GALNT16: variants seen among roughly 807,000 people sequenced by gnomAD.
GALNT16 encodes the protein UDP-GalNAc:polypeptide N-acetylgalactosaminyltransferase-like protein 1.
A neutral mutation model predicts 76.1 loss-of-function variants in GALNT16; 40 were observed. The ratio of observed to expected loss-of-function variants is 0.53; its 90% CI spans 0.41 to 0.68. The LOEUF is 0.68. GALNT16 is among the 30% of genes least tolerant of loss of function. The pLI, the probability that GALNT16 is intolerant of heterozygous loss-of-function variation, is 0.00. For synonymous variants in GALNT16, 276 were observed against 285.2 expected, an observed-to-expected ratio of 0.97 and a Z score of 0.32; for missense variants, 621 against 731.9, an observed-to-expected ratio of 0.85 and a Z score of 1.75.
the GALNT16 span, among the ~76,000 whole-genome samples, chr14:69,384,779 G>A: frequency 6.6e-6 from 1 of 152,180 alleles, no homozygotes; most frequent in Non-Finnish European, 1.5e-5. Context: ...AGATGCAGCA[G>A]TGAACAAACA....
chr14:69,348,912 T>G (rs947790122), intron 14 of GALNT16: 2 of 152,306 alleles, frequency 1.3e-5, no homozygotes, highest in South Asian at 4.1e-4. Context: ...TCAGAAGCCC[T>G]CCCTGTGCCT....
intron 1 of GALNT16, among the ~76,000 whole-genome samples, chr14:69,263,236 A>G (rs968445098): frequency 1.3e-5 from 2 of 152,166 alleles, no homozygotes; most frequent in Admixed American, 1.3e-4. Flanking sequence ...TTATTGTATT[A>G]TATTCATATC....
At position 69,260,232 on chromosome 14, in the gene GALNT16, G is replaced by A. The variant is rs2044243664; in HGVS notation, c.-59G>A. On this transcript the variant is annotated 5_prime_UTR_variant, in exon 1 of 15. Transcript: ENST00000448469. ...AACAGCTGGGGCTGCGAGCGCCCCCGCCCCGGCCCCGAGAGCACGCCGGCC... is the reference window on the plus strand; with the variant it reads ...AACAGCTGGGGCTGCGAGCGCCCCCACCCCGGCCCCGAGAGCACGCCGGCC... 4 of 1,237,560 alleles carry A rather than the reference G, an allele frequency of 3.2e-6. No homozygotes were observed. The highest frequency in any genetic ancestry group is 3.9e-5 in the Admixed American group (2 of 50,696). 76.7% of individuals were successfully genotyped at this position (1,237,560 alleles called of 1,614,324 possible).
chr14:69,340,115 G>A (rs558927771), intron 11 of GALNT16, among the ~76,000 whole-genome samples: 1 of 152,342 alleles, frequency 6.6e-6, no homozygotes, highest in African/African-American at 2.4e-5. Context: ...GATTAGATTA[G>A]TACAGAGCAG....
chr14:69,380,684 C>G, the GALNT16 span: 1 of 1,134,788 alleles, frequency 8.8e-7, no homozygotes, highest in East Asian at 2.4e-5. Flanking sequence ...TGGTCAATCA[C>G]TGCCAGGTGT....
At chr14:69,300,046 G>A (rs1334319936) in intron 1 of GALNT16, among the ~76,000 whole-genome samples, 2 of 152,222 alleles carry the variant, frequency 1.3e-5, no homozygotes, top group Non-Finnish European at 2.9e-5. Context: ...CTTTTAGCAC[G>A]TGTGTGCACA....
chr14:69,284,163 A>C (rs1047428078), intron 1 of GALNT16, among the ~76,000 whole-genome samples: 1 of 152,102 alleles, frequency 6.6e-6, no homozygotes, highest in African/African-American at 2.4e-5. Context: ...TCTTCCCCCA[A>C]ACACCTGCTG....
chr14:69,311,259 C>G (rs548738212), intron 1 of GALNT16, among the ~76,000 whole-genome samples: 17 of 152,172 alleles, frequency 1.1e-4, no homozygotes, highest in Non-Finnish European at 2.5e-4. Context: ...GGGACAAATG[C>G]TGTGTCCTCG....
At chr14:69,319,213 T>C (rs1302187251) in intron 1 of GALNT16, among the ~76,000 whole-genome samples, 1 of 152,224 alleles carries the variant, frequency 6.6e-6, no homozygotes, top group Admixed American at 6.5e-5. Context: ...TAGAAGGTAG[T>C]ATCGCTACAG....
In GALNT16 at chr14:69,285,040, C is replaced by CTT. The variant is rs11401674; in HGVS notation, c.177+24590_177+24591dup. 1.0e-3 allele frequency among the ~76,000 whole-genome samples: 127 copies of CTT among 127,466 alleles called. 3 individuals carry two copies. The highest frequency in any genetic ancestry group is 2.8e-3 in the East Asian group (12 of 4,228). 83.6% of individuals were successfully genotyped at this position (127,466 alleles called of 152,430 possible). On this transcript the variant is annotated intron_variant, in intron 1 of 14. Coordinates refer to ENST00000448469, the MANE Select transcript of GALNT16 (RefSeq NM_001168368.2). ...TATATGTTACCCAGTCTCGGGCACT[C>CTT]TTTTTTTTTTTTTTTTTTGAGACGG...
intron 1 of GALNT16, among the ~76,000 whole-genome samples, chr14:69,287,869 T>G (rs1037448923): frequency 2.2e-4 from 33 of 152,176 alleles, no homozygotes; most frequent in African/African-American, 7.7e-4. Flanking sequence ...GCCCAAATCC[T>G]GTAGAAAATT....
intron 1 of GALNT16, among the ~76,000 whole-genome samples, chr14:69,294,178 A>G (rs61980315): frequency 1.5e-3 from 232 of 150,358 alleles, no homozygotes; most frequent in African/African-American, 3.8e-3. Flanking sequence ...CTGGAGTGCA[A>G]TGGTGCGATC....
intron 1 of GALNT16, among the ~76,000 whole-genome samples, chr14:69,275,470 G>T (rs1234162189): frequency 6.6e-6 from 1 of 152,184 alleles, no homozygotes; most frequent in Non-Finnish European, 1.5e-5. Context: ...TACCATTTAT[G>T]TAAATTAAAA....
At chr14:69,308,576 T>C (rs1238910365) in intron 1 of GALNT16, among the ~76,000 whole-genome samples, 1 of 152,248 alleles carries the variant, frequency 6.6e-6, no homozygotes, top group African/African-American at 2.4e-5. Context: ...ATTTCCACCA[T>C]TTTTATTAAA....
At chr14:69,272,230 G>T (rs963658009) in intron 1 of GALNT16, among the ~76,000 whole-genome samples, 1 of 152,110 alleles carries the variant, frequency 6.6e-6, no homozygotes, top group African/African-American at 2.4e-5. Context: ...GGGCCTGGTG[G>T]CATGCACTTG....
intron 1 of GALNT16, among the ~76,000 whole-genome samples, chr14:69,309,270 A>G (rs1443598487): frequency 1.1e-4 from 16 of 150,794 alleles, no homozygotes; most frequent in Admixed American, 1.1e-3. Context: ...CCTACGTTTC[A>G]TCTTTCTTTC....
At chr14:69,338,874 C>T in intron 10 of GALNT16, 97 bp downstream of exon 10, 1 of 982,252 alleles carries the variant, frequency 1.0e-6, no homozygotes, top group Non-Finnish European at 1.5e-6. Context: ...TGGGCAGCCA[C>T]CTCACTTCTT....
chr14:69,264,495 G>T (rs2044315067), intron 1 of GALNT16, among the ~76,000 whole-genome samples: 1 of 152,166 alleles, frequency 6.6e-6, no homozygotes, highest in Admixed American at 6.5e-5. Context: ...AACCCTTGAG[G>T]CCTCGCAGGA....
Position 69,340,931 on chromosome 14 carries a change from A to G in GALNT16, c.1188-750A>G, listed in dbSNP as rs375597264. The stretch of plus-strand genomic sequence containing the variant: ...CTCCTACTTAAGCTTGTGGTCAGAA[A>G]AGTTTGAAAACACTATTAATGATGA... On this transcript the variant is annotated intron_variant, in intron 11 of 14. Coordinates refer to ENST00000448469, the MANE Select transcript of GALNT16 (RefSeq NM_001168368.2). 6.3e-4 allele frequency among the ~76,000 whole-genome samples: 96 copies of G among 152,344 alleles called. 3 individuals carry two copies. The South Asian group carries it at 0.02, about 31-fold the overall frequency.
Sources: allele counts gnomAD v4.1 joint callset (sites outside exome capture counted in the v4.1 genomes callset), GRCh38; gene constraint gnomAD v4.1.1; transcripts MANE v1.5; gene names NCBI Gene and HGNC (gene_info 2026-07-23, HGNC 2026-07-21).